Variants in PLXNA2 observed in about 807,000 individuals in gnomAD.
The protein encoded by PLXNA2 is plexin A2, also known as plexin-A2.
Under a neutral mutation model 193.5 loss-of-function variants are expected in PLXNA2, and 91 were observed. The observed-to-expected ratio is 0.47, with a 90% CI of 0.40 to 0.56. The LOEUF (loss-of-function observed/expected upper bound fraction) is 0.56. Ranked by LOEUF, PLXNA2 falls within the 20% of genes least tolerant of loss-of-function variation. The probability of loss-of-function intolerance (pLI) is 0.00; values close to 1 mark genes in which losing one functional copy is unlikely to be tolerated. For synonymous variants in PLXNA2, 997 were observed against 1,027.3 expected, an observed-to-expected ratio of 0.97 and a Z score of 0.56; for missense variants, 1,995 against 2,503.2, an observed-to-expected ratio of 0.80 and a Z score of 4.33.
intron 4 of PLXNA2, among the ~76,000 whole-genome samples, chr1:208,122,294 T>C (rs1667830615): frequency 2.0e-5 from 3 of 152,196 alleles, no homozygotes. Context: ...AGGCCCAGCC[T>C]CATATTTAAG....
rs563832739 is a variant in PLXNA2, at chr1:208,167,203, C to G, written c.1372-24740G>C. On this transcript the variant is annotated intron_variant, in intron 3 of 31. Coordinates refer to ENST00000367033, the MANE Select transcript of PLXNA2 (RefSeq NM_025179.4). The stretch of plus-strand genomic sequence containing the variant: ...CTAATGAGGACTCCCCTGACTATGG[C>G]GATTTTATATTTTCTGGAAGAAAAG... 6.6e-5 allele frequency among the ~76,000 whole-genome samples: 10 copies of G among 152,174 alleles called. No homozygotes were observed. In the South Asian group the frequency reaches 1.7e-3, roughly 25 times the overall value.
chr1:208,092,762 C>A lies in PLXNA2; in HGVS notation c.2097+24G>T. The A allele has an allele frequency of 2.6e-6, 4 of 1,533,260 alleles. No individual in the cohort carries two copies. The South Asian group carries it at 3.4e-5, about 13-fold the overall frequency. The allele number at this position is 1,533,260 out of a possible 1,614,324, so 95.0% of individuals were successfully genotyped here. A position where few individuals can be genotyped will look rare whatever the true frequency, so the allele number is the denominator to read the frequency against. Reference sequence around the variant, plus strand: ...CACTCAGACTCACTGGGAACACTGCCATGTTAGGGTAAGCCCTTCTTACCT... The same window carrying A: ...CACTCAGACTCACTGGGAACACTGCAATGTTAGGGTAAGCCCTTCTTACCT... On this transcript the variant is annotated intron_variant, in intron 9 of 31. Coordinates refer to ENST00000367033, the MANE Select transcript of PLXNA2 (RefSeq NM_025179.4).
chr1:208,174,437 T>C (rs1350966149), intron 3 of PLXNA2, among the ~76,000 whole-genome samples: 9 of 148,828 alleles, frequency 6.0e-5, no homozygotes, highest in African/African-American at 2.2e-4. Context: ...GTAAGGGCTG[T>C]GGAGGGAGGG....
chr1:208,069,310 C>T (rs1224363860), intron 12 of PLXNA2, among the ~76,000 whole-genome samples: 2 of 152,220 alleles, frequency 1.3e-5, no homozygotes, highest in African/African-American at 4.8e-5. Context: ...GACAGCTGCA[C>T]AGCCCAACTG....
Position 208,095,919 on chromosome 1 carries a change from G to A in PLXNA2, c.1982+110C>T, listed in dbSNP as rs1666869399. On this transcript the variant is annotated intron_variant, in intron 8 of 31. Transcript: ENST00000367033. ...AAGTGTCAGGCCCCATGGGGAAACTGTGAGGTGACTACAACGTGGTTCCTG... is the reference window on the plus strand; with the variant it reads ...AAGTGTCAGGCCCCATGGGGAAACTATGAGGTGACTACAACGTGGTTCCTG... 1.2e-5 allele frequency: 10 copies of A among 801,542 alleles called. No individual in the cohort carries two copies. In the South Asian group the frequency reaches 1.5e-4, roughly 12 times the overall value. The allele number at this position is 801,542 out of a possible 1,614,324, so 49.7% of individuals were successfully genotyped here.
intron 3 of PLXNA2, among the ~76,000 whole-genome samples, chr1:208,197,424 G>A (rs186162958): frequency 5.0e-4 from 76 of 152,360 alleles, no homozygotes; most frequent in Non-Finnish European, 9.0e-4. Flanking sequence ...GGAAGAGACC[G>A]GGTTTCCCCG....
chr1:208,194,677 G>A (rs1007483665), intron 3 of PLXNA2, among the ~76,000 whole-genome samples: 2 of 152,134 alleles, frequency 1.3e-5, no homozygotes, highest in Non-Finnish European at 2.9e-5. Flanking sequence ...TGGGGCAGAT[G>A]AGAAACAAAA....
intron 9 of PLXNA2, 54 bp downstream of exon 9, chr1:208,092,732 G>T: frequency 8.0e-7 from 1 of 1,254,368 alleles, no homozygotes; most frequent in Non-Finnish European, 1.1e-6. Context: ...TAAAGAGGGA[G>T]GGGCCACTCA....
At chr1:208,131,764 C>A (rs1346986152) in intron 4 of PLXNA2, among the ~76,000 whole-genome samples, 1 of 152,084 alleles carries the variant, frequency 6.6e-6, no homozygotes, top group Non-Finnish European at 1.5e-5. Flanking sequence ...GCCAGACCGA[C>A]GAGCTTTGGA....
chr1:208,164,757 C>T (rs558767222), intron 3 of PLXNA2, among the ~76,000 whole-genome samples: 11 of 152,306 alleles, frequency 7.2e-5, no homozygotes, highest in African/African-American at 1.9e-4. Context: ...GGCGTCAGTC[C>T]GGCAGCGGCT....
Position 208,082,689 on chromosome 1 carries a change from C to T in PLXNA2, c.2299-181G>A, listed in dbSNP as rs763348776. ...CTTGGCATTCAGTGCCCTGCATAAT[C>T]GGATGCAAACTGACTCCTCCAGCTT... On this transcript the variant is annotated intron_variant, in intron 10 of 31. Transcript: ENST00000367033. This position sits in a 1 kb window ranked among gnomAD's most constrained non-coding sequence, Gnocchi z 4.2. Among the ~76,000 whole-genome samples, 1 of 152,166 alleles carries T rather than the reference C, an allele frequency of 6.6e-6. No individual in the cohort carries two copies. The highest frequency in any genetic ancestry group is 1.5e-5 in the Non-Finnish European group (1 of 68,028).
At chr1:208,200,934 A>G (rs1161182533) in intron 3 of PLXNA2, among the ~76,000 whole-genome samples, 1 of 152,160 alleles carries the variant, frequency 6.6e-6, no homozygotes, top group Non-Finnish European at 1.5e-5. Flanking sequence ...TCTGAAAATT[A>G]TATGGGACTA....
At chr1:208,111,083 TTC>T (rs1667458617) in intron 4 of PLXNA2, among the ~76,000 whole-genome samples, 1 of 152,098 alleles carries the variant, frequency 6.6e-6, no homozygotes, top group Admixed American at 6.5e-5. Flanking sequence ...GACAGTCTTG[TTC>T]TGTCACCCAG....
At position 208,217,957 on chromosome 1, in the gene PLXNA2, T is replaced by A; in HGVS notation, c.-35A>T. The A allele has an allele frequency of 6.3e-7, 1 of 1,597,432 alleles. No homozygotes were observed. Among genetic ancestry groups the A allele is most frequent in the Non-Finnish European group, 8.5e-7 (1 of 1,177,810 alleles). ...GGCGGCGGTGAGGAGACGGCTCCTG[T>A]GTGTGCTCATCTGCTCCACCTTCCC... On this transcript the variant is annotated 5_prime_UTR_variant, in exon 2 of 32. Transcript: ENST00000367033. The surrounding 1 kb of genome is among the most constrained non-coding windows in gnomAD (Gnocchi z 4.7).
At chr1:208,108,205 G>A (rs1357003871) in intron 4 of PLXNA2, among the ~76,000 whole-genome samples, 2 of 152,090 alleles carry the variant, frequency 1.3e-5, no homozygotes, top group Non-Finnish European at 2.9e-5. Flanking sequence ...GTCAGGCCCA[G>A]TATAGCCAGA....
rs1665054629 is a variant in PLXNA2 at position 208,046,127 on chromosome 1, C to A, written c.3256-10G>T. On this transcript the variant is annotated splice_polypyrimidine_tract_variant and intron_variant, in intron 17 of 31. Coordinates refer to ENST00000367033, the MANE Select transcript of PLXNA2 (RefSeq NM_025179.4). The stretch of plus-strand genomic sequence containing the variant: ...TCACAACTTTACACACCTAAGAGAT[C>A]CAGAGCGCAGCATTCACACACGGAG... 6.2e-7 allele frequency: 1 copy of A among 1,611,056 alleles called. No individual in the cohort carries two copies. Among genetic ancestry groups the A allele is most frequent in the South Asian group, 1.1e-5 (1 of 90,898 alleles).
chr1:208,185,669 C>T (rs1669969364), intron 3 of PLXNA2, among the ~76,000 whole-genome samples: 1 of 126,468 alleles, frequency 7.9e-6, no homozygotes, highest in Non-Finnish European at 1.6e-5. Context: ...TGAAGCTGCC[C>T]CTTTATTCCT....
intron 3 of PLXNA2, among the ~76,000 whole-genome samples, chr1:208,160,520 C>T (rs758899576): frequency 2.0e-5 from 3 of 152,226 alleles, no homozygotes; most frequent in African/African-American, 7.2e-5. Context: ...CTCATTGTTG[C>T]GTGGCTTCCA....
At chr1:208,073,329 C>G (rs1666032509) in intron 12 of PLXNA2, among the ~76,000 whole-genome samples, 1 of 152,178 alleles carries the variant, frequency 6.6e-6, no homozygotes, top group Non-Finnish European at 1.5e-5. Context: ...GATTAGAAGT[C>G]TGCCCTAGGC....
Sources: gnomAD v4.1 joint callset for allele counts (sites outside exome capture counted in the v4.1 genomes callset) on GRCh38, gnomAD v4.1.1 for gene constraint, Gnocchi (gnomAD v3.1) non-coding constraint, MANE v1.5 for transcripts, NCBI Gene and HGNC (gene_info 2026-07-23, HGNC 2026-07-21) for gene names.